YWHAE: variants seen among roughly 807,000 people sequenced by gnomAD.
YWHAE encodes the protein tyrosine 3-monooxygenase/tryptophan 5-monooxygenase activation protein epsilon.
YWHAE carries 4 observed loss-of-function variants against 30.1 expected under a neutral mutation model. That is an observed-to-expected ratio of 0.13 (90% CI 0.07 to 0.30). YWHAE has a LOEUF of 0.30. Ranked by LOEUF, YWHAE falls within the 10% of genes least tolerant of loss-of-function variation. The pLI is 1.00. For synonymous variants in YWHAE, 118 were observed against 111.8 expected, an observed-to-expected ratio of 1.06 and a Z score of -0.35; for missense variants, 121 against 315.9, an observed-to-expected ratio of 0.38 and a Z score of 4.68.
intron 4 of YWHAE, among the ~76,000 whole-genome samples, chr17:1,356,052 C>T (rs1321868824): frequency 6.6e-6 from 1 of 152,092 alleles, no homozygotes; most frequent in Non-Finnish European, 1.5e-5. Flanking sequence ...GCCTGTAGTC[C>T]CAGCTACTTG....
intron 3 of YWHAE, chr17:1,361,654 C>T: frequency 2.2e-6 from 1 of 459,652 alleles, no homozygotes; most frequent in Non-Finnish European, 3.8e-6. Flanking sequence ...TAACACTAAG[C>T]ACTGTGAAAT....
chr17:1,386,101 G>C (rs2073296647), intron 1 of YWHAE, among the ~76,000 whole-genome samples: 1 of 152,176 alleles, frequency 6.6e-6, no homozygotes, highest in African/African-American at 2.4e-5. Flanking sequence ...AAAATGGGTA[G>C]TACTTTGCAT....
intron 1 of YWHAE, among the ~76,000 whole-genome samples, chr17:1,380,031 G>A (rs2073180955): frequency 6.6e-6 from 1 of 151,780 alleles, no homozygotes; most frequent in Admixed American, 6.6e-5. Flanking sequence ...CACACACTTT[G>A]GGAAACAGCA....
intron 5 of YWHAE, among the ~76,000 whole-genome samples, chr17:1,346,611 C>T (rs993368492): frequency 3.9e-5 from 6 of 152,172 alleles, no homozygotes; most frequent in Non-Finnish European, 7.3e-5. Context: ...ATCTCTTCTG[C>T]GGCGGAAACG....
intron 1 of YWHAE, among the ~76,000 whole-genome samples, chr17:1,391,857 G>C (rs963880804): frequency 4.6e-5 from 7 of 152,150 alleles, no homozygotes; most frequent in African/African-American, 1.4e-4. Context: ...TACCTGGTGG[G>C]AAGATCACAT....
intron 1 of YWHAE, among the ~76,000 whole-genome samples, chr17:1,394,164 G>A (rs1255040185): frequency 3.3e-5 from 5 of 152,070 alleles, no homozygotes; most frequent in Non-Finnish European, 7.4e-5. Context: ...TAACTGATTA[G>A]CCACATGATC....
At chr17:1,387,767 C>T (rs1280989768) in intron 1 of YWHAE, among the ~76,000 whole-genome samples, 2 of 151,706 alleles carry the variant, frequency 1.3e-5, no homozygotes, top group Admixed American at 6.6e-5. Flanking sequence ...AGATTACAAG[C>T]GCACGCCACC....
chr17:1,348,688 G>A (rs1235003838), intron 5 of YWHAE, among the ~76,000 whole-genome samples: 2 of 152,104 alleles, frequency 1.3e-5, no homozygotes, highest in African/African-American at 2.4e-5. Flanking sequence ...CTGAACAGCC[G>A]AGATTACAGG....
intron 5 of YWHAE, chr17:1,347,852 G>T (rs779909030): frequency 1.6e-6 from 1 of 624,700 alleles, no homozygotes; most frequent in Non-Finnish European, 2.0e-6. Context: ...TCAGCGCCCT[G>T]GAAGGTGGAA....
chr17:1,380,525 A>G (rs1238621600), intron 1 of YWHAE, among the ~76,000 whole-genome samples: 1 of 152,144 alleles, frequency 6.6e-6, no homozygotes, highest in African/African-American at 2.4e-5. Flanking sequence ...AGAGTTTAAA[A>G]TGAGATTGTA....
intron 1 of YWHAE, among the ~76,000 whole-genome samples, chr17:1,374,137 AC>A (rs2073089523): frequency 6.6e-6 from 1 of 151,928 alleles, no homozygotes; most frequent in South Asian, 2.1e-4. Context: ...ACATGGCAAA[AC>A]CCCGTCTCTA....
intron 2 of YWHAE, among the ~76,000 whole-genome samples, chr17:1,363,642 A>G (rs2150851851): frequency 1.3e-5 from 2 of 152,288 alleles, no homozygotes; most frequent in Middle Eastern, 3.4e-3. Context: ...AGTTGGGATA[A>G]TACCTCCCCC....
intron 2 of YWHAE, among the ~76,000 whole-genome samples, chr17:1,362,290 C>T (rs1237704900): frequency 1.3e-5 from 2 of 152,082 alleles, no homozygotes; most frequent in African/African-American, 4.8e-5. Flanking sequence ...CACAGTACAG[C>T]TACAGAATTA....
chr17:1,373,639 G>A (rs959356006), intron 1 of YWHAE, among the ~76,000 whole-genome samples: 1 of 151,746 alleles, frequency 6.6e-6, no homozygotes, highest in Admixed American at 6.6e-5. Flanking sequence ...CTGCACTCCA[G>A]CCTGGGTGAC....
intron 1 of YWHAE, among the ~76,000 whole-genome samples, chr17:1,368,295 G>C (rs1185798957): frequency 2.0e-5 from 3 of 152,166 alleles, no homozygotes; most frequent in East Asian, 1.9e-4. Context: ...AGAATTGCTT[G>C]AACTCGGGAG....
intron 1 of YWHAE, among the ~76,000 whole-genome samples, chr17:1,384,862 G>C (rs1451214921): frequency 6.6e-6 from 1 of 151,950 alleles, no homozygotes; most frequent in Admixed American, 6.6e-5. Context: ...CATGCGCCAC[G>C]AAGCCTGGCT....
At chr17:1,358,632 C>A (rs2072801093) in intron 4 of YWHAE, among the ~76,000 whole-genome samples, 1 of 151,588 alleles carries the variant, frequency 6.6e-6, no homozygotes, top group African/African-American at 2.4e-5. Flanking sequence ...TTGAGACCAG[C>A]CTAACCAAGA....
intron 1 of YWHAE, among the ~76,000 whole-genome samples, chr17:1,366,779 T>C (rs1278955429): frequency 1.3e-5 from 2 of 151,882 alleles, no homozygotes; most frequent in Non-Finnish European, 2.9e-5. Flanking sequence ...CCGTCTCTAC[T>C]AAAAATACAA....
rs60470984 is a variant in YWHAE at position 1,393,671 on chromosome 17, T to TC, written c.64+6375dup. Among the ~76,000 whole-genome samples the TC allele has an allele frequency of 3.3e-3, 496 of 152,340 alleles. 3 individuals carry two copies. Among genetic ancestry groups the TC allele is most frequent in the African/African-American group, 0.012 (480 of 41,588 alleles). ...GTCTCAAACTCCTGACCTCAGGTGA[T>TC]CCGCCCACCTCGGCCTCCCACAGTG... On this transcript the variant is annotated intron_variant, in intron 1 of 5. Transcript: ENST00000264335.
Sources: gnomAD v4.1 joint callset for allele counts (sites outside exome capture counted in the v4.1 genomes callset) on GRCh38, gnomAD v4.1.1 for gene constraint, MANE v1.5 for transcripts, NCBI Gene and HGNC (gene_info 2026-07-23, HGNC 2026-07-21) for gene names.